The following MAPK11 variants were observed in gnomAD, a reference collection of about 807,000 sequenced individuals.
The protein encoded by MAPK11 is MAP kinase 11.
Under a neutral mutation model 52.2 loss-of-function variants are expected in MAPK11, and 44 were observed. The observed-to-expected ratio is 0.84, with a 90% confidence interval of 0.66 to 1.08. The LOEUF is 1.08. Ranked by LOEUF, MAPK11 falls within the 50% of genes least tolerant of loss-of-function variation. The pLI is 0.00. For missense variants in MAPK11, 436 were observed against 494.7 expected, an observed-to-expected ratio of 0.88 and a Z score of 1.13; for synonymous variants, 233 against 206.3, an observed-to-expected ratio of 1.13 and a Z score of -1.11.
intron 11 of MAPK11, 33 bp from the exon 12 acceptor site, chr22:50,265,060 C>T (rs1281012474): frequency 1.7e-5 from 27 of 1,570,386 alleles, no homozygotes; most frequent in Non-Finnish European, 2.1e-5. Flanking sequence ...GAGCTTGTGC[C>T]TCCCACAGCC....
At chr22:50,269,520 C>G (rs62241161) in intron 1 of MAPK11, among the ~76,000 whole-genome samples, 1 of 152,240 alleles carries the variant, frequency 6.6e-6, no homozygotes, top group Non-Finnish European at 1.5e-5. Context: ...CTTAGGACTC[C>G]CGGTAACTAC....
chr22:50,267,858 G>A lies in MAPK11; in HGVS notation c.208C>T (p.Arg70Trp). The stretch of plus-strand genomic sequence containing the variant: ...AGGTGCTTGAGCAGCCGCAGCTCCC[G>A]GTACGTTCTGCGCGCGTGGATCAGC... Reference protein sequence around the residue: ...QSLIHARRTYRELRLLKHLKH... With the variant: ...QSLIHARRTYWELRLLKHLKH... The change falls in exon 2 of 12, where the codon CGG becomes TGG. Residue 70 changes from arginine to tryptophan, a missense_variant. Transcript: ENST00000330651. 2 of 1,584,608 alleles carry A rather than the reference G, an allele frequency of 1.3e-6. No homozygotes were observed. Among genetic ancestry groups the A allele is most frequent in the Non-Finnish European group, 1.7e-6 (2 of 1,168,428 alleles).
chr22:50,267,300 A>AT lies in MAPK11; in HGVS notation c.418-15dup, dbSNP rs2065271088. 3 of 1,597,382 alleles carry AT rather than the reference A, an allele frequency of 1.9e-6. No homozygotes were observed. The East Asian group carries it at 6.8e-5, about 36-fold the overall frequency. ...CGAGTGGATGTACTGCGGGAGGGGG[A>AT]TTGTGGTGAGCGCCGGGCCCGGCCC... On this transcript the variant is annotated splice_polypyrimidine_tract_variant and intron_variant, in intron 4 of 11. Coordinates refer to ENST00000330651, the MANE Select transcript of MAPK11 (RefSeq NM_002751.7).
chr22:50,267,716 C>T, intron 2 of MAPK11, 89 bp from the exon 3 acceptor site: 2 of 1,430,168 alleles, frequency 1.4e-6, no homozygotes, highest in East Asian at 2.7e-5. Context: ...CCAGGCCGCG[C>T]CCCCTGTGTC....
intron 7 of MAPK11, 23 bp downstream of exon 7, chr22:50,266,911 C>T (rs773819478): frequency 4.4e-6 from 7 of 1,594,340 alleles, no homozygotes; most frequent in Non-Finnish European, 4.3e-6. Context: ...GGCCTTCGTC[C>T]CCCCAAGGCC....
At chr22:50,265,685 G>T (rs1331522843) in intron 9 of MAPK11, 25 bp from the exon 10 acceptor site, 1 of 1,444,232 alleles carries the variant, frequency 6.9e-7, no homozygotes, top group Non-Finnish European at 9.4e-7. Flanking sequence ...GAACACCTGG[G>T]GAGGCTGCTC....
chr22:50,266,763 C>T (rs1317523157), intron 7 of MAPK11, 152 bp from the exon 8 acceptor site: 1 of 939,220 alleles, frequency 1.1e-6, no homozygotes, highest in Admixed American at 2.0e-5. Flanking sequence ...AGCTGCACAG[C>T]CAGAGGAGGC....
intron 1 of MAPK11, among the ~76,000 whole-genome samples, chr22:50,269,093 C>T (rs34655450): frequency 0.13 from 19,960 of 152,106 alleles, 1,371 homozygotes; most frequent in Admixed American, 0.19. Context: ...AACTCCCAGA[C>T]GGCGAGTCCA....
intron 8 of MAPK11, 84 bp downstream of exon 8, chr22:50,266,456 A>G: frequency 1.4e-6 from 2 of 1,418,238 alleles, no homozygotes; most frequent in South Asian, 2.7e-5. Flanking sequence ...AGGAGGCAAG[A>G]CCCGCCAGAA....
Position 50,266,522 on chromosome 22 carries a change from A to C in MAPK11, c.682+18T>G, listed in dbSNP as rs199846736. On this transcript the variant is annotated intron_variant, in intron 8 of 11. Transcript: ENST00000330651. ...GGGGCCCTGTTTGACCCTGCTCCCC[A>C]ACCTGGGCCAAGGATACAGTCGCTT... 1 of 1,515,860 alleles carries C rather than the reference A, an allele frequency of 6.6e-7. No individual in the cohort carries two copies. Among genetic ancestry groups the C allele is most frequent in the East Asian group, 2.3e-5 (1 of 43,978 alleles). The allele number at this position is 1,515,860 out of a possible 1,614,324, so 93.9% of individuals were successfully genotyped here. A position where few individuals can be genotyped will look rare whatever the true frequency, so the allele number is the denominator to read the frequency against.
chr22:50,268,008 T>G (rs1238528993), intron 1 of MAPK11, 59 bp from the exon 2 acceptor site: 13 of 1,442,316 alleles, frequency 9.0e-6, no homozygotes, highest in Admixed American at 2.6e-5. Context: ...CGCACGCGCG[T>G]GGACCCGGGC....
intron 9 of MAPK11, among the ~76,000 whole-genome samples, chr22:50,265,999 G>A (rs5771289): frequency 0.69 from 79,127 of 113,872 alleles, 27,866 homozygotes; most frequent in Non-Finnish European, 0.73. Flanking sequence ...GCCCTGGCCA[G>A]GCACTGCTTG....
Position 50,267,142 on chromosome 22 carries a change from C to T in MAPK11, c.480G>A (p.Glu160=). Residue 160 remains glutamate, a synonymous_variant, in exon 6 of 12, where the codon GAG becomes GAA. Transcript: ENST00000330651. ...CGGGCCTCACCCTGAGCTCACAGTC[C>T]TCGTTCACAGCCACGTTGCTGGGCT... ...DLKPSNVAVN[E]DCELRILDFG... The T allele has an allele frequency of 6.2e-7, 1 of 1,612,100 alleles. No individual in the cohort carries two copies. Among genetic ancestry groups the T allele is most frequent in the Non-Finnish European group, 8.5e-7 (1 of 1,179,688 alleles).
intron 1 of MAPK11, among the ~76,000 whole-genome samples, chr22:50,269,398 C>T (rs2065290270): frequency 1.3e-5 from 2 of 152,228 alleles, no homozygotes; most frequent in South Asian, 4.1e-4. Context: ...TGCGCCCCAC[C>T]AGGACCCCCC....
rs1161590117 is a variant in MAPK11, at chr22:50,264,652, G to A, written c.*296C>T. The A allele has an allele frequency of 1.3e-5, 4 of 312,154 alleles. No individual in the cohort carries two copies. The Admixed American group carries it at 1.8e-4, about 14-fold the overall frequency. The allele number at this position is 312,154 out of a possible 1,614,324, so 19.3% of individuals were successfully genotyped here. ...GGAACTCCGCAGGGGAACCCCTTTG[G>A]CATCTAGGACCCCACAGTCAGGTCC... On this transcript the variant is annotated 3_prime_UTR_variant, in exon 12 of 12. Transcript: ENST00000330651.
In MAPK11 at chr22:50,267,466, G is replaced by C. The variant is rs777155538; in HGVS notation, c.322C>G (p.Leu108Val). ...ATGTTGTTCAGGTCGGCGCCCATCA[G>C]GGTGGTCACCAAGTACCTGGGGCGG... is the stretch of plus-strand genomic sequence containing the variant. ...DFSEVYLVTT[L>V]MGADLNNIVK... Residue 108 changes from leucine (L) to valine (V), a missense_variant, in exon 4 of 12, where the codon CTG (leucine) becomes GTG (valine). Transcript: ENST00000330651. The C allele has an allele frequency of 6.2e-7, 1 of 1,607,440 alleles. No homozygotes were observed. The highest frequency in any genetic ancestry group is 8.5e-7 in the Non-Finnish European group (1 of 1,177,582).
chr22:50,266,953 C>T lies in MAPK11; in HGVS notation c.591G>A (p.Trp197Ter). 1 of 1,610,970 alleles carries T rather than the reference C, an allele frequency of 6.2e-7. No individual in the cohort carries two copies. Among genetic ancestry groups the T allele is most frequent in the Non-Finnish European group, 8.5e-7 (1 of 1,179,956 alleles). ...CTGCACCTGTTTGGTTGTAATGCATCCAGTTGAGCATGATCTCAGGTGCCC... is the reference window on the plus strand; with the variant it reads ...CTGCACCTGTTTGGTTGTAATGCATTCAGTTGAGCATGATCTCAGGTGCCC... Reference protein sequence around the residue: ...WYRAPEIMLNWMHYNQTVDIW... With the variant: ...WYRAPEIMLN Residue 197 changes from tryptophan (W) to a stop codon, truncating the protein, a stop_gained, in exon 7 of 12, where the codon TGG (tryptophan) becomes TGA (stop). Transcript: ENST00000330651. LOFTEE classifies it high-confidence loss of function.
At position 50,264,669 on chromosome 22, in the gene MAPK11, G is replaced by C. The variant is rs1373377526; in HGVS notation, c.*279C>G. 3 of 360,256 alleles carry C rather than the reference G, an allele frequency of 8.3e-6. No individual in the cohort carries two copies. Among genetic ancestry groups the C allele is most frequent in the South Asian group, 7.8e-5 (2 of 25,494 alleles). The allele number at this position is 360,256 out of a possible 1,614,324, so 22.3% of individuals were successfully genotyped here. A position where few individuals can be genotyped will look rare whatever the true frequency, so the allele number is the denominator to read the frequency against. On this transcript the variant is annotated 3_prime_UTR_variant, in exon 12 of 12. Transcript: ENST00000330651. ...CCCCTTTGGCATCTAGGACCCCACA[G>C]TCAGGTCCCAGTGGAGAGTGCAGTA...
chr22:50,268,677 C>T (rs546739919), intron 1 of MAPK11, among the ~76,000 whole-genome samples: 30 of 152,230 alleles, frequency 2.0e-4, no homozygotes, highest in African/African-American at 6.7e-4. Flanking sequence ...AAAGGAAAGG[C>T]CTTTGCACAG....
Sources: allele counts gnomAD v4.1 joint callset (sites outside exome capture counted in the v4.1 genomes callset), GRCh38; gene constraint gnomAD v4.1.1; transcripts MANE v1.5; gene names NCBI Gene and HGNC (gene_info 2026-07-23, HGNC 2026-07-21).